The following AGBL4 variants were observed in gnomAD, a reference collection of about 807,000 sequenced individuals.
AGBL4 encodes the protein cytosolic carboxypeptidase 6.
AGBL4 carries 58 observed loss-of-function variants against 66.4 expected under a neutral mutation model. That is an observed-to-expected ratio of 0.87 (90% CI 0.71 to 1.09). AGBL4 has a LOEUF of 1.09. Ranked by LOEUF, AGBL4 falls within the 50% of genes least tolerant of loss-of-function variation. The pLI, the probability that AGBL4 is intolerant of heterozygous loss-of-function variation, is 0.00. For missense variants in AGBL4, 579 were observed against 631.0 expected, an observed-to-expected ratio of 0.92 and a Z score of 0.88; for synonymous variants, 234 against 222.9, an observed-to-expected ratio of 1.05 and a Z score of -0.44.
intron 3 of AGBL4, among the ~76,000 whole-genome samples, chr1:49,458,475 G>T (rs185435150): frequency 2.0e-4 from 30 of 151,494 alleles, no homozygotes; most frequent in African/African-American, 7.2e-4. Flanking sequence ...GATTTTCTAG[G>T]TATACAATCA....
chr1:48,846,362 G>A (rs867566811), intron 6 of AGBL4, among the ~76,000 whole-genome samples: 1 of 118,592 alleles, frequency 8.4e-6, no homozygotes, highest in African/African-American at 3.1e-5. Flanking sequence ...GAGAAAGAAA[G>A]AAGAAAGAAA....
rs986246171 is a variant in AGBL4 at position 48,736,394 on chromosome 1, G to A, written c.635-73153C>T. 6.2e-7 allele frequency: 1 copy of A among 1,614,082 alleles called. No homozygotes were observed. Among genetic ancestry groups the A allele is most frequent in the South Asian group, 1.1e-5 (1 of 91,078 alleles). On this transcript the variant is annotated intron_variant, in intron 6 of 13. Transcript: ENST00000371839. The surrounding 1 kb of genome is among the most constrained non-coding windows in gnomAD (Gnocchi z 4.0). Reference sequence around the variant, plus strand: ...CTTCGTGTACTTGGAATCTCCTTGGGTTACTTGTAGCTGGTGCCATTTCTC... The same window carrying A: ...CTTCGTGTACTTGGAATCTCCTTGGATTACTTGTAGCTGGTGCCATTTCTC...
chr1:50,009,890 C>T (rs1216619453), intron 1 of AGBL4, among the ~76,000 whole-genome samples: 1 of 152,014 alleles, frequency 6.6e-6, no homozygotes, highest in Non-Finnish European at 1.5e-5. Context: ...AAAATTAATT[C>T]CATTTACAAT....
At chr1:48,547,813 G>A (rs927346177) in intron 11 of AGBL4, among the ~76,000 whole-genome samples, 1 of 152,110 alleles carries the variant, frequency 6.6e-6, no homozygotes, top group Non-Finnish European at 1.5e-5. Flanking sequence ...GGCCTTGAGA[G>A]TGCACACAAG....
At chr1:48,966,059 T>C (rs1296113743) in intron 5 of AGBL4, among the ~76,000 whole-genome samples, 3 of 152,140 alleles carry the variant, frequency 2.0e-5, no homozygotes, top group Non-Finnish European at 2.9e-5. Context: ...CTCATTTTTC[T>C]TCCCTGTAAA....
At chr1:48,701,375 TCTCA>T (rs1646797932) in intron 6 of AGBL4, among the ~76,000 whole-genome samples, 2 of 14,530 alleles carry the variant, frequency 1.4e-4, no homozygotes, top group Admixed American at 1.8e-3. Flanking sequence ...TCATTTTGGT[TCTCA>T]GTTTCTTCAT....
chr1:49,444,285 C>G (rs918580650), intron 3 of AGBL4, among the ~76,000 whole-genome samples: 5 of 151,924 alleles, frequency 3.3e-5, no homozygotes, highest in African/African-American at 1.2e-4. Flanking sequence ...GGTATAAGCT[C>G]CAGTTTAATC....
At chr1:48,957,520 C>T (rs1471007426) in intron 5 of AGBL4, among the ~76,000 whole-genome samples, 1 of 152,160 alleles carries the variant, frequency 6.6e-6, no homozygotes, top group Non-Finnish European at 1.5e-5. Context: ...GGTCATGCTA[C>T]ATTACTTTAC....
chr1:49,418,801 A>G (rs1415561458), intron 3 of AGBL4, among the ~76,000 whole-genome samples: 1 of 152,230 alleles, frequency 6.6e-6, no homozygotes, highest in Non-Finnish European at 1.5e-5. Context: ...GTGCTAGTTC[A>G]TTAACGGCAT....
chr1:49,838,726 A>G (rs1345241443), intron 2 of AGBL4, among the ~76,000 whole-genome samples: 2 of 152,258 alleles, frequency 1.3e-5, no homozygotes, highest in East Asian at 3.8e-4. Flanking sequence ...ACAGTAAGTA[A>G]AAAGTAAATT....
chr1:49,361,717 T>C (rs1644139157), intron 3 of AGBL4, among the ~76,000 whole-genome samples: 1 of 152,050 alleles, frequency 6.6e-6, no homozygotes. Context: ...AAAGATATAG[T>C]CTTCCTATTC....
intron 6 of AGBL4, among the ~76,000 whole-genome samples, chr1:48,703,446 T>C (rs1193741034): frequency 6.6e-6 from 1 of 151,918 alleles, no homozygotes; most frequent in Non-Finnish European, 1.5e-5. Flanking sequence ...AGATGATAGA[T>C]ACAAAAGAAA....
At chr1:49,722,374 T>A (rs985347510) in intron 2 of AGBL4, among the ~76,000 whole-genome samples, 5 of 152,176 alleles carry the variant, frequency 3.3e-5, no homozygotes, top group Admixed American at 3.3e-4. Context: ...TTCTTTAGCA[T>A]TAACAAATGG....
chr1:49,300,592 T>C (rs1644727194), intron 3 of AGBL4, among the ~76,000 whole-genome samples: 1 of 152,164 alleles, frequency 6.6e-6, no homozygotes, highest in African/African-American at 2.4e-5. Context: ...GCAAAGATGA[T>C]TTCTCAAGAA....
chr1:49,502,962 G>A (rs1009445252), intron 3 of AGBL4, among the ~76,000 whole-genome samples: 3 of 152,128 alleles, frequency 2.0e-5, no homozygotes, highest in South Asian at 2.1e-4. Flanking sequence ...GAGTAATGAT[G>A]AGCCAAATAT....
intron 1 of AGBL4, among the ~76,000 whole-genome samples, chr1:49,916,556 C>G (rs1045668335): frequency 2.6e-5 from 4 of 152,168 alleles, no homozygotes; most frequent in African/African-American, 9.7e-5. Flanking sequence ...AAGAAAAGAA[C>G]AAAGCCTCCA....
chr1:48,943,504 C>T lies in AGBL4; in HGVS notation c.595-76274G>A, dbSNP rs180748057. 2.0e-5 allele frequency among the ~76,000 whole-genome samples: 3 copies of T among 152,286 alleles called. No individual in the cohort carries two copies. The East Asian group carries it at 5.8e-4, about 29-fold the overall frequency. The stretch of plus-strand genomic sequence containing the variant: ...AATTTGACTCTTATGGGTCCTTATA[C>T]CCCCACATACACTCCCACTGAGGCA... On this transcript the variant is annotated intron_variant, in intron 5 of 13. Coordinates refer to ENST00000371839, the MANE Select transcript of AGBL4 (RefSeq NM_032785.4).
At chr1:49,635,927 G>A (rs558111457) in intron 3 of AGBL4, among the ~76,000 whole-genome samples, 1 of 152,290 alleles carries the variant, frequency 6.6e-6, no homozygotes, top group African/African-American at 2.4e-5. Context: ...GTTAATTGCA[G>A]CACTATTTAC....
chr1:49,219,583 G>T (rs1052303519), intron 4 of AGBL4, among the ~76,000 whole-genome samples: 1 of 152,116 alleles, frequency 6.6e-6, no homozygotes, highest in Non-Finnish European at 1.5e-5. Flanking sequence ...TGTAGGCAAA[G>T]GATTCAATAC....
Sources: gnomAD v4.1 joint callset for allele counts (sites outside exome capture counted in the v4.1 genomes callset) on GRCh38, gnomAD v4.1.1 for gene constraint, Gnocchi (gnomAD v3.1) non-coding constraint, MANE v1.5 for transcripts, NCBI Gene and HGNC (gene_info 2026-07-23, HGNC 2026-07-21) for gene names.